SLC24A2: variants seen among roughly 807,000 people sequenced by gnomAD.
SLC24A2 encodes sodium/potassium/calcium exchanger 2.
In SLC24A2, 36 loss-of-function variants were observed where a neutral mutation model predicts 62.0. That is an observed-to-expected ratio of 0.58 (90% CI 0.44 to 0.77). The LOEUF is 0.77. Ranked by LOEUF, SLC24A2 falls within the 30% of genes least tolerant of loss-of-function variation. SLC24A2 has a pLI of 0.00. For missense variants in SLC24A2, 846 were observed against 817.9 expected, an observed-to-expected ratio of 1.03 and a Z score of -0.42; for synonymous variants, 358 against 294.0, an observed-to-expected ratio of 1.22 and a Z score of -2.23.
chr9:19,598,123 G>C (rs1836751543), intron 4 of SLC24A2, among the ~76,000 whole-genome samples: 1 of 152,204 alleles, frequency 6.6e-6, no homozygotes, highest in Non-Finnish European at 1.5e-5. Context: ...GTTTTCTTCA[G>C]TTTTAAAATA....
the SLC24A2 span, among the ~76,000 whole-genome samples, chr9:20,097,888 G>A: frequency 1.3e-5 from 2 of 151,242 alleles, no homozygotes; most frequent in East Asian, 3.9e-4. Flanking sequence ...GACTACAGGC[G>A]CTCGACACCA....
At chr9:19,688,862 T>C (rs1399292921) in intron 2 of SLC24A2, among the ~76,000 whole-genome samples, 1 of 152,130 alleles carries the variant, frequency 6.6e-6, no homozygotes, top group Non-Finnish European at 1.5e-5. Context: ...GTCTGTTACT[T>C]GAATAAATAC....
chr9:20,039,443 A>G, the SLC24A2 span, among the ~76,000 whole-genome samples: 46,621 of 151,788 alleles, frequency 0.31, 7,463 homozygotes, highest in Middle Eastern at 0.43. Flanking sequence ...TGGAAGGTGC[A>G]AGAACAATGG....
At chr9:20,227,454 T>C in the SLC24A2 span, among the ~76,000 whole-genome samples, 1 of 150,354 alleles carries the variant, frequency 6.7e-6, no homozygotes, top group Non-Finnish European at 1.5e-5. Context: ...GGTGAAGGTC[T>C]CATGGAGAAC....
chr9:19,741,747 G>A (rs1821684776), intron 2 of SLC24A2, among the ~76,000 whole-genome samples: 1 of 152,150 alleles, frequency 6.6e-6, no homozygotes, highest in African/African-American at 2.4e-5. Context: ...TATATACTCT[G>A]TCCTTGCTGC....
At chr9:20,258,817 T>TTATCTATCTATCTATC in the SLC24A2 span, among the ~76,000 whole-genome samples, 3 of 104,740 alleles carry the variant, frequency 2.9e-5, no homozygotes, top group African/African-American at 1.0e-4. Flanking sequence ...TCTATCTACC[T>TTATCTATCTATCTATC]TATCTATCTA....
chr9:19,572,247 GA>G (rs1303986279), intron 7 of SLC24A2, among the ~76,000 whole-genome samples: 8 of 112,372 alleles, frequency 7.1e-5, no homozygotes, highest in African/African-American at 2.1e-4. Context: ...GTGACAGAGT[GA>G]GAGTCCGTCT....
intron 2 of SLC24A2, among the ~76,000 whole-genome samples, chr9:19,751,262 C>A (rs550048170): frequency 1.3e-5 from 2 of 152,248 alleles, no homozygotes; most frequent in East Asian, 3.9e-4. Context: ...CTCACAACAA[C>A]CCTAGGAGGC....
chr9:19,533,501 T>G (rs1458996097), intron 8 of SLC24A2, among the ~76,000 whole-genome samples: 2 of 152,224 alleles, frequency 1.3e-5, no homozygotes, highest in African/African-American at 2.4e-5. Context: ...GCGTGCAAAT[T>G]TCAAACTAGA....
chr9:20,225,026 C>A, the SLC24A2 span, among the ~76,000 whole-genome samples: 37 of 152,048 alleles, frequency 2.4e-4, no homozygotes. Flanking sequence ...TGAGGCAAGA[C>A]CTCAGAGGAA....
the SLC24A2 span, among the ~76,000 whole-genome samples, chr9:19,882,162 C>T: frequency 6.6e-6 from 1 of 152,116 alleles, no homozygotes; most frequent in African/African-American, 2.4e-5. Flanking sequence ...ATTTTAGAGG[C>T]TGCTGTTAAA....
the SLC24A2 span, among the ~76,000 whole-genome samples, chr9:20,255,846 T>C: frequency 1.0e-3 from 156 of 152,348 alleles, no homozygotes; most frequent in Non-Finnish European, 1.6e-3. Context: ...TCTTCCATTT[T>C]GTGAAGCAAG....
the SLC24A2 span, among the ~76,000 whole-genome samples, chr9:19,874,719 T>A: frequency 6.6e-6 from 1 of 152,214 alleles, no homozygotes; most frequent in Admixed American, 6.5e-5. Flanking sequence ...CACTACATCA[T>A]TTCATTTGTC....
chr9:19,729,856 AG>A, intron 2 of SLC24A2, among the ~76,000 whole-genome samples: 1 of 152,120 alleles, frequency 6.6e-6, no homozygotes, highest in Admixed American at 6.5e-5. Flanking sequence ...TCAAGTAGCT[AG>A]AAGAAGGATA....
chr9:20,295,225 A>C, the SLC24A2 span, among the ~76,000 whole-genome samples: 1 of 152,086 alleles, frequency 6.6e-6, no homozygotes, highest in Non-Finnish European at 1.5e-5. Context: ...CAAAATCACA[A>C]TCCTGAAAGA....
chr9:19,536,133 C>G (rs1833959899), intron 8 of SLC24A2, among the ~76,000 whole-genome samples: 1 of 145,928 alleles, frequency 6.9e-6, no homozygotes, highest in African/African-American at 2.5e-5. Context: ...CATGATTTGG[C>G]TCTCTGTTTG....
chr9:19,829,402 G>A, the SLC24A2 span, among the ~76,000 whole-genome samples: 1 of 152,174 alleles, frequency 6.6e-6, no homozygotes, highest in Non-Finnish European at 1.5e-5. Flanking sequence ...AAGAGCATCT[G>A]ACAGAGGACC....
the SLC24A2 span, among the ~76,000 whole-genome samples, chr9:19,873,212 C>T: frequency 6.8e-6 from 1 of 146,684 alleles, no homozygotes; most frequent in Non-Finnish European, 1.5e-5. Flanking sequence ...TTCCTCCCTC[C>T]CTCCCTCTCT....
chr9:19,604,936 G>T (rs1003878125), intron 4 of SLC24A2, among the ~76,000 whole-genome samples: 5 of 152,144 alleles, frequency 3.3e-5, no homozygotes, highest in Admixed American at 6.5e-5. Context: ...AAAGTAGAAT[G>T]TTCATACAAT....
Sources: gnomAD v4.1 joint callset for allele counts (sites outside exome capture counted in the v4.1 genomes callset) on GRCh38, gnomAD v4.1.1 for gene constraint, MANE v1.5 for transcripts, NCBI Gene and HGNC (gene_info 2026-07-23, HGNC 2026-07-21) for gene names.